KDM4B: variants seen among roughly 807,000 people sequenced by gnomAD.
The protein encoded by KDM4B is lysine-specific demethylase 4B.
A neutral mutation model predicts 125.2 loss-of-function variants in KDM4B; 32 were observed. That is an observed-to-expected ratio of 0.26 (90% CI 0.19 to 0.34). The LOEUF (loss-of-function observed/expected upper bound fraction) is 0.34, where lower values mean the gene tolerates loss of function less well. KDM4B is among the 10% of genes least tolerant of loss of function. KDM4B has a pLI of 1.00. For missense variants in KDM4B, 1,190 were observed against 1,577.7 expected (o/e 0.75, Z 4.16); for synonymous variants, 721 against 677.9 (o/e 1.06, Z -0.99).
At chr19:5,060,994 C>T (rs569138620) in intron 6 of KDM4B, among the ~76,000 whole-genome samples, 2 of 152,232 alleles carry the variant, frequency 1.3e-5, no homozygotes, top group African/African-American at 4.8e-5. Context: ...CTTGCCTCGG[C>T]GAGTCTGCTC....
At position 5,131,366 on chromosome 19, in the gene KDM4B, G is replaced by A. The variant is rs751412874; in HGVS notation, c.1606G>A (p.Gly536Ser). 19 of 1,611,992 alleles carry A rather than the reference G, an allele frequency of 1.2e-5. No individual in the cohort carries two copies. Among genetic ancestry groups the A allele is most frequent in the South Asian group, 6.6e-5 (6 of 91,048 alleles). ...IPMLYVVPRP[G>S]KAAFNQEHVS... Reference sequence around the variant, plus strand: ...CATGCTGTACGTGGTGCCGCGGCCGGGCAAGGCAGCCTTCAACCAGGAGCA... The same window carrying A: ...CATGCTGTACGTGGTGCCGCGGCCGAGCAAGGCAGCCTTCAACCAGGAGCA... Residue 536 changes from glycine to serine, a missense_variant, in exon 12 of 23, where the codon GGC (glycine) becomes AGC (serine). Around this residue, in one of 7 missense-constraint regions of KDM4B, gnomAD observed 428 missense variants for 405.1 expected, o/e 1.06. Coordinates refer to ENST00000159111, the MANE Select transcript of KDM4B (RefSeq NM_015015.3).
At chr19:5,068,902 A>G (rs2037860216) in intron 6 of KDM4B, among the ~76,000 whole-genome samples, 1 of 152,216 alleles carries the variant, frequency 6.6e-6, no homozygotes, top group South Asian at 2.1e-4. Context: ...ACAGGCAGTA[A>G]TTAAGTGGAG....
intron 2 of KDM4B, among the ~76,000 whole-genome samples, chr19:5,030,829 G>A (rs2036429474): frequency 6.6e-6 from 1 of 152,204 alleles, no homozygotes; most frequent in East Asian, 1.9e-4. Context: ...GTGCTGATGT[G>A]GGGACCACTG....
chr19:5,062,677 A>T (rs1286864168), intron 6 of KDM4B, among the ~76,000 whole-genome samples: 2 of 151,124 alleles, frequency 1.3e-5, no homozygotes, highest in African/African-American at 4.9e-5. Context: ...TTAATTAAAA[A>T]TTCTGCCACC....
At chr19:5,007,668 C>T (rs2145470321) in intron 1 of KDM4B, among the ~76,000 whole-genome samples, 1 of 151,860 alleles carries the variant, frequency 6.6e-6, no homozygotes, top group South Asian at 2.1e-4. Context: ...ACCTCAGCCT[C>T]CCGAGTAGCT....
At chr19:4,970,133 G>C (rs2034203043) in intron 1 of KDM4B, among the ~76,000 whole-genome samples, 1 of 152,178 alleles carries the variant, frequency 6.6e-6, no homozygotes, top group Admixed American at 6.5e-5. Context: ...GCGCTCAGTG[G>C]TGGCCATGAC....
chr19:5,123,057 G>C (rs1267629086), intron 11 of KDM4B, among the ~76,000 whole-genome samples: 1 of 152,240 alleles, frequency 6.6e-6, no homozygotes, highest in Admixed American at 6.5e-5. Flanking sequence ...TGCAGATGCA[G>C]GGACAGGCAA....
At chr19:5,051,726 C>T (rs567762742) in intron 6 of KDM4B, among the ~76,000 whole-genome samples, 7 of 152,382 alleles carry the variant, frequency 4.6e-5, no homozygotes, top group African/African-American at 1.2e-4. Flanking sequence ...GGTCATCCTG[C>T]ACCCAGGTGA....
At chr19:5,148,919 G>C (rs996315851) in intron 21 of KDM4B, among the ~76,000 whole-genome samples, 1 of 152,326 alleles carries the variant, frequency 6.6e-6, no homozygotes, top group African/African-American at 2.4e-5. Flanking sequence ...TTCCCAGCAG[G>C]CTCCTCCACA....
intron 21 of KDM4B, among the ~76,000 whole-genome samples, chr19:5,149,583 G>A (rs746584284): frequency 1.2e-4 from 18 of 152,164 alleles, no homozygotes; most frequent in Non-Finnish European, 2.2e-4. Flanking sequence ...CCTGGCTTGG[G>A]AACACGGCGC....
In KDM4B at chr19:5,049,420, C is replaced by T. The variant is rs57651585; in HGVS notation, c.626+1751C>T. ...GGGCGGGGCAGCGTTGAGTAGGCAA[C>T]AGTTCTTTCGGGAAGGGAATTCCGG... On this transcript the variant is annotated intron_variant, in intron 6 of 22. Coordinates refer to ENST00000159111, the MANE Select transcript of KDM4B (RefSeq NM_015015.3). Among the ~76,000 whole-genome samples, 374 of 152,078 alleles carry T rather than the reference C, an allele frequency of 2.5e-3. 1 individual carries two copies. Among genetic ancestry groups the T allele is most frequent in the African/African-American group, 8.5e-3 (351 of 41,470 alleles).
At chr19:5,148,370 C>A (rs1287062933) in intron 21 of KDM4B, among the ~76,000 whole-genome samples, 2 of 152,198 alleles carry the variant, frequency 1.3e-5, no homozygotes, top group East Asian at 1.9e-4. Flanking sequence ...CCACTTGGAC[C>A]CGGCAGTGTG....
chr19:5,096,617 C>T (rs540504012), intron 9 of KDM4B, among the ~76,000 whole-genome samples: 151 of 150,300 alleles, frequency 1.0e-3, no homozygotes, highest in South Asian at 2.1e-3. Context: ...GCGGTGCCCC[C>T]GGCGGTGTCG....
chr19:5,035,790 C>G lies in KDM4B; in HGVS notation c.141+2759C>G, dbSNP rs2036598108. Among the ~76,000 whole-genome samples, 1 of 152,026 alleles carries G rather than the reference C, an allele frequency of 6.6e-6. No individual in the cohort carries two copies. The highest frequency in any genetic ancestry group is 2.1e-4 in the South Asian group (1 of 4,810). On this transcript the variant is annotated intron_variant, in intron 3 of 22. Transcript: ENST00000159111. The surrounding 1 kb of genome is among the most constrained non-coding windows in gnomAD (Gnocchi z 5.3). The stretch of plus-strand genomic sequence containing the variant: ...CCAGTGCAGAGAATCCTTTCTCAAA[C>G]CCGTGGAGGGGGCTGGGCAGTAGGG...
At chr19:5,091,005 C>G (rs2038690068) in intron 9 of KDM4B, among the ~76,000 whole-genome samples, 1 of 152,168 alleles carries the variant, frequency 6.6e-6, no homozygotes, top group Non-Finnish European at 1.5e-5. Flanking sequence ...AGCAGGCAGG[C>G]TTTGTAGTGG....
In KDM4B at chr19:5,032,834, G is replaced by A. The variant is rs547609589; in HGVS notation, c.-25-32G>A. 33 of 1,592,074 alleles carry A rather than the reference G, an allele frequency of 2.1e-5. 1 individual carries two copies. In the Admixed American group the frequency reaches 3.2e-4, roughly 16 times the overall value. ...TCCAAGGGCTGGGCATGGCGGCACC[G>A]CTGGTTCACCCTCTCTCGTCTTCCT... is the stretch of plus-strand genomic sequence containing the variant. On this transcript the variant is annotated intron_variant, in intron 2 of 22. Transcript: ENST00000159111.
intron 1 of KDM4B, among the ~76,000 whole-genome samples, chr19:5,010,732 C>T (rs1178862266): frequency 6.6e-6 from 1 of 152,318 alleles, no homozygotes; most frequent in Non-Finnish European, 1.5e-5. Context: ...ACTGCAACCT[C>T]CGCCTCCCAG....
intron 1 of KDM4B, among the ~76,000 whole-genome samples, chr19:4,999,314 C>T (rs562781395): frequency 2.4e-4 from 36 of 152,278 alleles, no homozygotes; most frequent in Admixed American, 2.0e-3. Context: ...AGAGCCCGGT[C>T]GAGCTGGCTC....
intron 10 of KDM4B, among the ~76,000 whole-genome samples, chr19:5,116,751 C>CG (rs2039264028): frequency 1.3e-5 from 2 of 152,166 alleles, no homozygotes; most frequent in African/African-American, 4.8e-5. Context: ...GAATGCGGCC[C>CG]GAGTTGCTCT....
Sources: allele counts gnomAD v4.1 joint callset (sites outside exome capture counted in the v4.1 genomes callset), GRCh38; gene constraint gnomAD v4.1.1; regional missense constraint gnomAD v4.1.1; non-coding constraint Gnocchi (gnomAD v3.1); transcripts MANE v1.5; gene names NCBI Gene and HGNC (gene_info 2026-07-23, HGNC 2026-07-21).